FOXP1: variants seen among roughly 807,000 people sequenced by gnomAD.
FOXP1 encodes the protein forkhead box P1, also known as forkhead box protein P1.
A neutral mutation model predicts 98.2 loss-of-function variants in FOXP1; 15 were observed. That is an observed-to-expected ratio of 0.15 (90% CI 0.10 to 0.24). The LOEUF is 0.24. Among genes scored for constraint, FOXP1 ranks in the 10% least tolerant of loss-of-function variants. The probability of loss-of-function intolerance (pLI) is 1.00; values close to 1 mark genes in which losing one functional copy is unlikely to be tolerated. For missense variants in FOXP1, 633 were observed against 848.5 expected (o/e 0.75, Z 3.15); for synonymous variants, 371 against 314.5 (o/e 1.18, Z -1.90).
rs943640871 is a variant in FOXP1, at chr3:71,545,754, T to C, written c.-298+35795A>G. The stretch of plus-strand genomic sequence containing the variant: ...TGAAGAACCTACAACCCAAATATGA[T>C]GTAAGCCAGCTTAAGATTTTGGAAA... On this transcript the variant is annotated intron_variant, in intron 2 of 20. Coordinates refer to ENST00000649528, the MANE Select transcript of FOXP1 (RefSeq NM_001349338.3). Among the ~76,000 whole-genome samples, 35 of 152,204 alleles carry C rather than the reference T, an allele frequency of 2.3e-4. 1 individual carries two copies. Among genetic ancestry groups the C allele is most frequent in the Admixed American group, 2.0e-4 (3 of 15,284 alleles).
intron 5 of FOXP1, among the ~76,000 whole-genome samples, chr3:71,257,633 A>G (rs2068747990): frequency 6.6e-6 from 1 of 152,022 alleles, no homozygotes; most frequent in Admixed American, 6.6e-5. Flanking sequence ...GGAGGTGACT[A>G]AAAGGAGGAA....
intron 20 of FOXP1, among the ~76,000 whole-genome samples, chr3:70,959,871 C>T (rs1040574023): frequency 1.3e-5 from 2 of 152,118 alleles, no homozygotes; most frequent in African/African-American, 2.4e-5. Flanking sequence ...CAAGTGATGC[C>T]GGTGGTCCTA....
intron 2 of FOXP1, chr3:71,581,156 T>C (rs183254182): frequency 7.1e-6 from 7 of 983,856 alleles, no homozygotes; most frequent in South Asian, 4.7e-5. Context: ...AAGCATAGGA[T>C]GAGCCCAGAC....
intron 3 of FOXP1, among the ~76,000 whole-genome samples, chr3:71,386,305 C>T (rs77545571): frequency 0.018 from 2,753 of 152,308 alleles, 92 homozygotes; most frequent in African/African-American, 0.062. Flanking sequence ...TGCCCACTGG[C>T]AATAGAGTCA....
chr3:71,160,777 C>G (rs2061096590), intron 6 of FOXP1, among the ~76,000 whole-genome samples: 1 of 152,152 alleles, frequency 6.6e-6, no homozygotes, highest in South Asian at 2.1e-4. Flanking sequence ...AAGGCTGAGA[C>G]TTGAAAAATC....
At chr3:71,093,886 A>G (rs561578293) in intron 7 of FOXP1, among the ~76,000 whole-genome samples, 35 of 152,344 alleles carry the variant, frequency 2.3e-4, no homozygotes, top group Admixed American at 1.3e-4. Context: ...ATAAAAATCA[A>G]TAATCTTCTC....
At position 70,959,237 on chromosome 3, in the gene FOXP1, GC is replaced by G; in HGVS notation, c.*9del. 1 of 1,609,264 alleles carries G rather than the reference GC, an allele frequency of 6.2e-7. No homozygotes were observed. The highest frequency in any genetic ancestry group is 8.5e-7 in the Non-Finnish European group (1 of 1,177,978). On this transcript the variant is annotated 3_prime_UTR_variant, in exon 21 of 21. Transcript: ENST00000649528. Reference sequence around the variant, plus strand: ...CAATCTTCATTCTCGGGGTTGGCCCGCCCCGATAGTCACTCCATGTCCTCGT... The same window carrying G: ...CAATCTTCATTCTCGGGGTTGGCCCGCCCGATAGTCACTCCATGTCCTCGT...
intron 7 of FOXP1, among the ~76,000 whole-genome samples, chr3:71,104,241 AC>A (rs1189589348): frequency 3.9e-5 from 6 of 152,058 alleles, no homozygotes. Flanking sequence ...GAACACTAAA[AC>A]CAATTTTAAA....
intron 20 of FOXP1, among the ~76,000 whole-genome samples, chr3:70,961,087 C>T (rs1221994167): frequency 6.6e-6 from 1 of 151,886 alleles, no homozygotes; most frequent in East Asian, 1.9e-4. Flanking sequence ...CCGCCTTGGC[C>T]TCCCAAAGTG....
chr3:71,279,859 C>T (rs1418749486), intron 5 of FOXP1, among the ~76,000 whole-genome samples: 1 of 152,064 alleles, frequency 6.6e-6, no homozygotes, highest in Non-Finnish European at 1.5e-5. Flanking sequence ...CGCGGTGGCT[C>T]ATACCTGTAA....
At chr3:71,086,967 C>T (rs2055174165) in intron 7 of FOXP1, among the ~76,000 whole-genome samples, 1 of 152,162 alleles carries the variant, frequency 6.6e-6, no homozygotes, top group African/African-American at 2.4e-5. Flanking sequence ...CAAACACAAG[C>T]TACATGTGTG....
At chr3:71,550,518 AT>A (rs1472612551) in intron 2 of FOXP1, among the ~76,000 whole-genome samples, 1 of 152,258 alleles carries the variant, frequency 6.6e-6, no homozygotes, top group East Asian at 1.9e-4. Flanking sequence ...TCTATTGAAT[AT>A]ATTTTTAAAC....
intron 5 of FOXP1, among the ~76,000 whole-genome samples, chr3:71,209,972 C>T (rs1053584367): frequency 3.3e-5 from 5 of 151,958 alleles, no homozygotes; most frequent in African/African-American, 9.7e-5. Flanking sequence ...TTAAATTCTG[C>T]GTGATGTCAG....
At chr3:71,232,877 C>CAAAAAAAAACAAAAAAAAAAAAA (rs2066420546) in intron 5 of FOXP1, among the ~76,000 whole-genome samples, 1 of 31,422 alleles carries the variant, frequency 3.2e-5, no homozygotes, top group African/African-American at 1.1e-4. Context: ...AACTCTGTCT[C>CAAAAAAAAACAAAAAAAAAAAAA]AAAAAAAAAA....
intron 6 of FOXP1, among the ~76,000 whole-genome samples, chr3:71,150,189 A>T (rs2060500139): frequency 6.6e-6 from 1 of 152,222 alleles, no homozygotes; most frequent in South Asian, 2.1e-4. Flanking sequence ...CTCTGCTGTG[A>T]GATAAGGGCG....
chr3:71,254,716 A>G (rs1168935796), intron 5 of FOXP1, among the ~76,000 whole-genome samples: 3 of 152,150 alleles, frequency 2.0e-5, no homozygotes, highest in Non-Finnish European at 4.4e-5. Flanking sequence ...CTCTTTTCAC[A>G]TGTACACTGG....
intron 3 of FOXP1, among the ~76,000 whole-genome samples, chr3:71,471,872 C>T (rs2089386878): frequency 6.6e-6 from 1 of 152,124 alleles, no homozygotes; most frequent in Admixed American, 6.5e-5. Flanking sequence ...TCCATCTGAG[C>T]AGACCAAGAA....
intron 5 of FOXP1, among the ~76,000 whole-genome samples, chr3:71,216,266 C>T (rs557728077): frequency 5.9e-5 from 9 of 152,214 alleles, no homozygotes; most frequent in Non-Finnish European, 1.2e-4. Flanking sequence ...TGCCTCATTT[C>T]GCGTGAACTC....
At chr3:71,172,160 A>AC (rs762960972) in intron 6 of FOXP1, among the ~76,000 whole-genome samples, 1 of 152,076 alleles carries the variant, frequency 6.6e-6, no homozygotes, top group Non-Finnish European at 1.5e-5. Flanking sequence ...GTCCTCCATT[A>AC]CTTTTTTTTT....
Sources: gnomAD v4.1 joint callset for allele counts (sites outside exome capture counted in the v4.1 genomes callset) on GRCh38, gnomAD v4.1.1 for gene constraint, MANE v1.5 for transcripts, NCBI Gene and HGNC (gene_info 2026-07-23, HGNC 2026-07-21) for gene names.